Variants in GUCY1A1 observed in about 807,000 individuals in gnomAD.
GUCY1A1 encodes guanylate cyclase 1 soluble subunit alpha 1.
In GUCY1A1, 48 loss-of-function variants were observed where a neutral mutation model predicts 64.5. That is an observed-to-expected ratio of 0.74 (90% confidence interval 0.59 to 0.95). The LOEUF is 0.95. Ranked by LOEUF, GUCY1A1 falls within the 40% of genes least tolerant of loss-of-function variation. The pLI, the probability that GUCY1A1 is intolerant of heterozygous loss-of-function variation, is 0.00. For missense variants in GUCY1A1, 804 were observed against 825.3 expected (o/e 0.97, Z 0.32); for synonymous variants, 308 against 303.4 (o/e 1.02, Z -0.16).
intron 2 of GUCY1A1, among the ~76,000 whole-genome samples, chr4:155,674,714 G>T (rs1217860810): frequency 1.3e-5 from 2 of 151,404 alleles, no homozygotes; most frequent in African/African-American, 2.5e-5. Flanking sequence ...AACAGTCCTC[G>T]CCTATGAATA....
At chr4:155,688,240 C>CAA (rs879491708) in intron 2 of GUCY1A1, among the ~76,000 whole-genome samples, 2 of 144,534 alleles carry the variant, frequency 1.4e-5, no homozygotes, top group Non-Finnish European at 3.0e-5. Context: ...AACAAACAAA[C>CAA]AAAAAAAAAA....
chr4:155,676,308 T>TTG (rs1254626004), intron 2 of GUCY1A1, among the ~76,000 whole-genome samples: 18 of 150,582 alleles, frequency 1.2e-4, no homozygotes, highest in African/African-American at 4.0e-4. Context: ...TGGTTTTTTT[T>TTG]TTTTTTTTTT....
In GUCY1A1 at chr4:155,703,711, T is replaced by G. The variant is rs76531048; in HGVS notation, c.256-221T>G. ...CCTGTGGGCCACAACACATATCCAA[T>G]CTCAGATTAGTCTCAGCACATTGCT... On this transcript the variant is annotated intron_variant, in intron 3 of 9. Coordinates refer to ENST00000506455, the MANE Select transcript of GUCY1A1 (RefSeq NM_001130682.3). Among the ~76,000 whole-genome samples, 414 of 152,248 alleles carry G rather than the reference T, an allele frequency of 2.7e-3. 7 individuals carry two copies. The East Asian group carries it at 0.048, about 18-fold the overall frequency.
rs149729659 is a variant in GUCY1A1, at chr4:155,691,378, T to G, written c.-112-5378T>G. On this transcript the variant is annotated intron_variant, in intron 2 of 9. Transcript: ENST00000506455. ...ACCACAGGGAAAGTTCTATAAACAT[T>G]TCCTACTACAAAGTGAAAAGAAACC... 2.8e-3 allele frequency among the ~76,000 whole-genome samples: 423 copies of G among 152,314 alleles called. 1 individual carries two copies. Among genetic ancestry groups the G allele is most frequent in the African/African-American group, 9.6e-3 (400 of 41,576 alleles).
At chr4:155,712,948 T>C in intron 6 of GUCY1A1, 150 bp from the exon 7 acceptor site, 1 of 627,984 alleles carries the variant, frequency 1.6e-6, no homozygotes, top group Non-Finnish European at 2.8e-6. Flanking sequence ...TTAGAACTCA[T>C]AGAAAATAGG....
chr4:155,669,591 T>C (rs1237874951), intron 2 of GUCY1A1, among the ~76,000 whole-genome samples: 1 of 152,098 alleles, frequency 6.6e-6, no homozygotes, highest in Non-Finnish European at 1.5e-5. Flanking sequence ...GGATCTTTCT[T>C]AAGACATTTT....
chr4:155,720,435 A>C (rs1733829777), intron 8 of GUCY1A1, among the ~76,000 whole-genome samples: 1 of 152,122 alleles, frequency 6.6e-6, no homozygotes, highest in Non-Finnish European at 1.5e-5. Context: ...CAGATATATA[A>C]CAGACATCTA....
intron 2 of GUCY1A1, among the ~76,000 whole-genome samples, chr4:155,691,968 C>T (rs190056636): frequency 5.5e-4 from 83 of 152,170 alleles, no homozygotes; most frequent in African/African-American, 1.9e-3. Context: ...CCAAAAGGCC[C>T]CAGTGAGTGT....
chr4:155,705,342 A>G (rs937312629), intron 4 of GUCY1A1, among the ~76,000 whole-genome samples: 4 of 152,088 alleles, frequency 2.6e-5, no homozygotes, highest in Admixed American at 2.6e-4. Flanking sequence ...TGCGGTCAGG[A>G]GTTCGAGACC....
chr4:155,723,798 G>T (rs1734295804), intron 9 of GUCY1A1, among the ~76,000 whole-genome samples: 2 of 151,980 alleles, frequency 1.3e-5, no homozygotes, highest in African/African-American at 4.8e-5. Context: ...AAGTAGGTGG[G>T]ATTACAGGCG....
intron 2 of GUCY1A1, among the ~76,000 whole-genome samples, chr4:155,690,384 A>G (rs1026424548): frequency 4.6e-5 from 7 of 152,126 alleles, no homozygotes; most frequent in Non-Finnish European, 7.3e-5. Flanking sequence ...CAGATCTACC[A>G]TCTGTCCTAC....
chr4:155,699,732 G>T (rs1249351730), intron 3 of GUCY1A1, among the ~76,000 whole-genome samples: 3 of 152,050 alleles, frequency 2.0e-5, no homozygotes, highest in Admixed American at 6.6e-5. Context: ...TAGATTTAAT[G>T]CTTAGACTGC....
chr4:155,716,401 C>T (rs1341445456), intron 7 of GUCY1A1, among the ~76,000 whole-genome samples: 3 of 152,078 alleles, frequency 2.0e-5, no homozygotes, highest in Admixed American at 6.6e-5. Context: ...TATTTCTGGA[C>T]TAAAATTAAC....
chr4:155,716,781 G>A (rs921136583), intron 7 of GUCY1A1, among the ~76,000 whole-genome samples: 9 of 152,016 alleles, frequency 5.9e-5, no homozygotes, highest in African/African-American at 1.7e-4. Context: ...GATATAAAAC[G>A]AGTAAATGAT....
chr4:155,694,174 TG>T (rs1730127442), intron 2 of GUCY1A1, among the ~76,000 whole-genome samples: 1 of 152,166 alleles, frequency 6.6e-6, no homozygotes, highest in Admixed American at 6.5e-5. Context: ...TACAAAATAG[TG>T]GTACTATTAT....
chr4:155,726,866 T>C (rs569613842), intron 9 of GUCY1A1, among the ~76,000 whole-genome samples: 3 of 152,110 alleles, frequency 2.0e-5, no homozygotes, highest in Non-Finnish European at 4.4e-5. Context: ...CCAGGTCTAC[T>C]ACATTAGTTC....
Position 155,735,444 on chromosome 4 carries a change from T to G in GUCY1A1, c.*5213T>G, listed in dbSNP as rs1167071113. The G allele has an allele frequency of 6.6e-6, 1 of 151,946 alleles. No homozygotes were observed. The highest frequency in any genetic ancestry group is 1.9e-4 in the East Asian group (1 of 5,168). The allele number at this position is 151,946 out of a possible 1,614,324, so 9.4% of individuals were successfully genotyped here. A position where few individuals can be genotyped will look rare whatever the true frequency, so the allele number is the denominator to read the frequency against. On this transcript the variant is annotated 3_prime_UTR_variant, in exon 10 of 10. Transcript: ENST00000506455. ...TTGGATTTAAACATTGGGGTAGAAA[T>G]CAGGACAAAATTTAAATGTCATATC...
At chr4:155,696,300 G>T (rs566061764) in intron 2 of GUCY1A1, among the ~76,000 whole-genome samples, 2 of 151,346 alleles carry the variant, frequency 1.3e-5, no homozygotes, top group African/African-American at 4.9e-5. Flanking sequence ...ATATTGTTTT[G>T]CTTTAGGTAT....
At chr4:155,683,003 T>C (rs1050892922) in intron 2 of GUCY1A1, among the ~76,000 whole-genome samples, 78 of 152,276 alleles carry the variant, frequency 5.1e-4, no homozygotes, top group African/African-American at 1.9e-3. Flanking sequence ...TAATATTAAT[T>C]GAGTGGCCAA....
Sources: gnomAD v4.1 joint callset for allele counts (sites outside exome capture counted in the v4.1 genomes callset) on GRCh38, gnomAD v4.1.1 for gene constraint, MANE v1.5 for transcripts, NCBI Gene and HGNC (gene_info 2026-07-23, HGNC 2026-07-21) for gene names.